Variants in DLG5 observed in about 807,000 individuals in gnomAD.
The protein encoded by DLG5 is discs large MAGUK scaffold protein 5.
DLG5 carries 48 observed loss-of-function variants against 189.8 expected under a neutral mutation model. The observed-to-expected ratio is 0.25, with a 90% CI of 0.20 to 0.32. The LOEUF (loss-of-function observed/expected upper bound fraction) is 0.32. Among genes scored for constraint, DLG5 ranks in the 10% least tolerant of loss-of-function variants. DLG5 has a pLI of 1.00. For missense variants in DLG5, 2,160 were observed against 2,544.7 expected (o/e 0.85, Z 3.25); for synonymous variants, 1,016 against 1,054.1 (o/e 0.96, Z 0.70).
intron 9 of DLG5, 34 bp from the exon 10 acceptor site, chr10:77,830,907 T>C: frequency 6.2e-7 from 1 of 1,609,644 alleles, no homozygotes; most frequent in Non-Finnish European, 8.5e-7. Context: ...GACAGCCCCT[T>C]GGGAGGTGAA....
chr10:77,903,928 C>T (rs1427603069), intron 1 of DLG5, among the ~76,000 whole-genome samples: 2 of 152,172 alleles, frequency 1.3e-5, no homozygotes, highest in African/African-American at 4.8e-5. Flanking sequence ...GAACTCCTTC[C>T]CTGACATGGC....
chr10:77,811,700 CA>C (rs1043365778), intron 22 of DLG5, among the ~76,000 whole-genome samples: 1 of 152,162 alleles, frequency 6.6e-6, no homozygotes, highest in Non-Finnish European at 1.5e-5. Flanking sequence ...CCCTGCTGGT[CA>C]GGGGGACCAC....
chr10:77,862,020 G>C (rs2154576892), intron 2 of DLG5, among the ~76,000 whole-genome samples: 1 of 152,246 alleles, frequency 6.6e-6, no homozygotes, highest in South Asian at 2.1e-4. Context: ...ATCTCAAGAT[G>C]TGCTACGCCC....
At chr10:77,802,872 C>T (rs1051044267) in intron 27 of DLG5, among the ~76,000 whole-genome samples, 5 of 152,134 alleles carry the variant, frequency 3.3e-5, no homozygotes, top group African/African-American at 1.2e-4. Flanking sequence ...TGCACTCCGG[C>T]CTGGGCGACA....
chr10:77,895,023 G>C (rs1285753606), intron 1 of DLG5, among the ~76,000 whole-genome samples: 1 of 152,188 alleles, frequency 6.6e-6, no homozygotes, highest in African/African-American at 2.4e-5. Context: ...ACAACCTTAT[G>C]AGAGGTGGAC....
Position 77,796,310 on chromosome 10 carries a change from A to G in DLG5, c.5309-122T>C. 6.3e-7 allele frequency: 1 copy of G among 1,586,862 alleles called. No homozygotes were observed. The highest frequency in any genetic ancestry group is 8.6e-7 in the Non-Finnish European group (1 of 1,162,636). On this transcript the variant is annotated intron_variant, in intron 28 of 31. Coordinates refer to ENST00000372391, the MANE Select transcript of DLG5 (RefSeq NM_004747.4). This position sits in a 1 kb window ranked among gnomAD's most constrained non-coding sequence, Gnocchi z 5.2. ...CCCAGTCCTGCCATGCATGAATCTGACCCATGTCAGCAGGCTTCTGGAACA... is the reference window on the plus strand; with the variant it reads ...CCCAGTCCTGCCATGCATGAATCTGGCCCATGTCAGCAGGCTTCTGGAACA...
In DLG5 at chr10:77,794,112, TG is replaced by T; in HGVS notation, c.5551del (p.Gln1851ArgfsTer7). On this transcript the variant is annotated frameshift_variant, in exon 31 of 32. Transcript: ENST00000372391. LOFTEE classifies it high-confidence loss of function. ...HYKSAKHIKE[Q>X]RDPIYLRDKV... ...GTCCCTCAGGTAGATGGGGTCTCTC[TG>T]CTCCCTGTGGGGACAGCCAGACACC... The T allele has an allele frequency of 6.2e-7, 1 of 1,614,032 alleles. No individual in the cohort carries two copies. The highest frequency in any genetic ancestry group is 8.5e-7 in the Non-Finnish European group (1 of 1,179,916).
chr10:77,914,311 C>G (rs1340554689), intron 1 of DLG5, among the ~76,000 whole-genome samples: 1 of 152,204 alleles, frequency 6.6e-6, no homozygotes, highest in Non-Finnish European at 1.5e-5. Flanking sequence ...CCTCCTGATT[C>G]CATGCACAGG....
At chr10:77,820,970 AC>A in intron 15 of DLG5, 111 bp downstream of exon 15, 3 of 1,402,786 alleles carry the variant, frequency 2.1e-6, no homozygotes, top group Non-Finnish European at 2.8e-6. Context: ...AGGCAAAGGC[AC>A]CAGGCTAAAC....
At chr10:77,870,528 C>CA (rs1844854777) in intron 1 of DLG5, among the ~76,000 whole-genome samples, 1 of 151,934 alleles carries the variant, frequency 6.6e-6, no homozygotes, top group South Asian at 2.1e-4. Flanking sequence ...ATAAAAAATA[C>CA]AAAAAATTAG....
At chr10:77,924,689 G>T (rs1404567675) in intron 1 of DLG5, among the ~76,000 whole-genome samples, 1 of 152,154 alleles carries the variant, frequency 6.6e-6, no homozygotes, top group Non-Finnish European at 1.5e-5. Flanking sequence ...ACTATCCCAG[G>T]AAAGGACTAG....
intron 1 of DLG5, among the ~76,000 whole-genome samples, chr10:77,879,861 G>A (rs949513519): frequency 1.3e-5 from 2 of 151,982 alleles, no homozygotes; most frequent in African/African-American, 4.8e-5. Flanking sequence ...CTGGTCATGC[G>A]TGAGGTGCCT....
At chr10:77,938,048 G>A in the DLG5 span, among the ~76,000 whole-genome samples, 2 of 151,804 alleles carry the variant, frequency 1.3e-5, no homozygotes, top group Non-Finnish European at 2.9e-5. Context: ...GTGACTCTGT[G>A]TTTGCTGACT....
At chr10:77,793,235 T>C (rs1200429010) in intron 31 of DLG5, 1 of 152,698 alleles carries the variant, frequency 6.5e-6, no homozygotes, top group Non-Finnish European at 1.5e-5. Context: ...TAAATACCAG[T>C]CTGTGAGGAA....
chr10:77,890,065 A>G (rs1213053346), intron 1 of DLG5, among the ~76,000 whole-genome samples: 8 of 152,224 alleles, frequency 5.3e-5, no homozygotes. Context: ...GAAGGCAGGG[A>G]AGAACCAAGA....
At position 77,811,183 on chromosome 10, in the gene DLG5, G is replaced by C. The variant is rs1189240445; in HGVS notation, c.4374C>G (p.Thr1458=). 1 of 1,613,380 alleles carries C rather than the reference G, an allele frequency of 6.2e-7. No homozygotes were observed. The highest frequency in any genetic ancestry group is 1.7e-5 in the Admixed American group (1 of 59,988). Residue 1458 remains threonine (T), a synonymous_variant, in exon 23 of 32, where the codon ACC becomes ACG. Coordinates refer to ENST00000372391, the MANE Select transcript of DLG5 (RefSeq NM_004747.4). ...GTHSTLQGSG[T]TTPEHPSVID... ...TGACAGATGGATGCTCCGGGGTGGT[G>C]GTGCCACTGCCCTGGAGAGTGGAGT...
chr10:77,867,899 T>C (rs1484749491), intron 2 of DLG5: 1 of 456,332 alleles, frequency 2.2e-6, no homozygotes, highest in Non-Finnish European at 4.4e-6. Flanking sequence ...CCTAGGCCAA[T>C]CTGACCAGTG....
intron 1 of DLG5, among the ~76,000 whole-genome samples, chr10:77,886,301 A>G (rs1845436378): frequency 6.6e-6 from 1 of 151,648 alleles, no homozygotes; most frequent in Admixed American, 6.6e-5. Context: ...CTTCCTGAAC[A>G]CTGCCACTGA....
intron 1 of DLG5, among the ~76,000 whole-genome samples, chr10:77,873,599 C>T (rs1421469600): frequency 6.6e-6 from 1 of 152,170 alleles, no homozygotes; most frequent in African/African-American, 2.4e-5. Flanking sequence ...TCCCAGGCCC[C>T]CTCCCATAGA....
Sources: allele counts gnomAD v4.1 joint callset (sites outside exome capture counted in the v4.1 genomes callset), GRCh38; gene constraint gnomAD v4.1.1; non-coding constraint Gnocchi (gnomAD v3.1); transcripts MANE v1.5; gene names NCBI Gene and HGNC (gene_info 2026-07-23, HGNC 2026-07-21).